The following PLCL2 variants were observed in gnomAD, a reference collection of about 807,000 sequenced individuals.
PLCL2 encodes the protein inactive phospholipase C-like protein 2.
In PLCL2, 4 loss-of-function variants were observed where a neutral mutation model predicts 79.6. The observed-to-expected ratio is 0.05, with a 90% CI of 0.02 to 0.11. The LOEUF is 0.11. PLCL2 is among the 10% of genes least tolerant of loss of function. PLCL2 has a pLI of 1.00. For synonymous variants in PLCL2, 484 were observed against 457.7 expected (o/e 1.06, Z -0.73); for missense variants, 895 against 1,291.0 (o/e 0.69, Z 4.70).
rs112524424 is a variant in PLCL2, at chr3:16,977,274, G to A, written c.328-32400G>A. Among the ~76,000 whole-genome samples, 8 of 152,216 alleles carry A rather than the reference G, an allele frequency of 5.3e-5. No individual in the cohort carries two copies. In the East Asian group the frequency reaches 5.8e-4, roughly 11 times the overall value. On this transcript the variant is annotated intron_variant, in intron 1 of 5. Transcript: ENST00000615277. Reference sequence around the variant, plus strand: ...CTAGTATATCCTAGAACATAGTCCTGTAAGTACTTACTCCCTGGCTGGCAT... The same window carrying A: ...CTAGTATATCCTAGAACATAGTCCTATAAGTACTTACTCCCTGGCTGGCAT...
intron 1 of PLCL2, among the ~76,000 whole-genome samples, chr3:16,902,546 G>T (rs1242778227): frequency 6.6e-6 from 1 of 152,144 alleles, no homozygotes; most frequent in African/African-American, 2.4e-5. Context: ...ATGCTTTGGG[G>T]CCAGGCACGG....
chr3:16,896,090 A>T (rs1295136022), intron 1 of PLCL2, among the ~76,000 whole-genome samples: 1 of 152,226 alleles, frequency 6.6e-6, no homozygotes, highest in African/African-American at 2.4e-5. Context: ...GAAGTCTATC[A>T]TACTGCAACA....
chr3:16,993,388 C>T (rs1490675163), intron 1 of PLCL2, among the ~76,000 whole-genome samples: 1 of 152,168 alleles, frequency 6.6e-6, no homozygotes, highest in African/African-American at 2.4e-5. Context: ...CTGTCAGAAC[C>T]TTCTGTTGGG....
chr3:17,026,294 G>A (rs1363020923), intron 3 of PLCL2, among the ~76,000 whole-genome samples: 1 of 152,148 alleles, frequency 6.6e-6, no homozygotes, highest in Non-Finnish European at 1.5e-5. Context: ...AACTCTACAA[G>A]CTTAATTACC....
chr3:16,997,061 A>T (rs533505678), intron 1 of PLCL2, among the ~76,000 whole-genome samples: 5 of 152,356 alleles, frequency 3.3e-5, no homozygotes, highest in African/African-American at 9.6e-5. Flanking sequence ...TTTTAAAAAC[A>T]CATATACCTT....
At chr3:16,951,070 G>C (rs7645696) in intron 1 of PLCL2, among the ~76,000 whole-genome samples, 1 of 152,078 alleles carries the variant, frequency 6.6e-6, no homozygotes, top group African/African-American at 2.4e-5. Context: ...AATGTCAACA[G>C]TGCTGTTTGA....
At chr3:16,969,376 C>A (rs1266682439) in intron 1 of PLCL2, among the ~76,000 whole-genome samples, 1 of 151,990 alleles carries the variant, frequency 6.6e-6, no homozygotes, top group Non-Finnish European at 1.5e-5. Flanking sequence ...TGGTCCTGGG[C>A]TTTTTCTAGT....
chr3:16,953,514 G>A (rs1207989823), intron 1 of PLCL2, among the ~76,000 whole-genome samples: 1 of 152,062 alleles, frequency 6.6e-6, no homozygotes, highest in Non-Finnish European at 1.5e-5. Context: ...TGAAGAGCTT[G>A]TTCTCTAAAA....
rs182098927 is a variant in PLCL2 at position 16,992,632 on chromosome 3, C to T, written c.328-17042C>T. On this transcript the variant is annotated intron_variant, in intron 1 of 5. Coordinates refer to ENST00000615277, the MANE Select transcript of PLCL2 (RefSeq NM_001144382.2). ...AGGGCTCCCCTTCCTGGTAGCCAAG[C>T]AAGAGCAGGATCCTGCATAGCGAAG... 3.1e-4 allele frequency among the ~76,000 whole-genome samples: 47 copies of T among 152,292 alleles called. No homozygotes were observed. In the South Asian group the frequency reaches 5.6e-3, roughly 18 times the overall value.
At chr3:17,004,849 C>G (rs529209323) in intron 1 of PLCL2, among the ~76,000 whole-genome samples, 88 of 152,234 alleles carry the variant, frequency 5.8e-4, no homozygotes, top group African/African-American at 2.0e-3. Context: ...AACTCTAATT[C>G]TAAATCCCCC....
chr3:16,996,493 A>T (rs985941304), intron 1 of PLCL2, among the ~76,000 whole-genome samples: 1 of 152,182 alleles, frequency 6.6e-6, no homozygotes, highest in Non-Finnish European at 1.5e-5. Flanking sequence ...GTAACTGTGT[A>T]ATTAATAAAT....
At chr3:16,958,910 C>T (rs1464232405) in intron 1 of PLCL2, among the ~76,000 whole-genome samples, 1 of 152,164 alleles carries the variant, frequency 6.6e-6, no homozygotes, top group Non-Finnish European at 1.5e-5. Context: ...GTAGACCTTT[C>T]CCCCTAACTC....
At chr3:17,073,191 C>A (rs560185848) in intron 5 of PLCL2, among the ~76,000 whole-genome samples, 59 of 152,288 alleles carry the variant, frequency 3.9e-4, no homozygotes, top group Non-Finnish European at 6.9e-4. Context: ...TACAGGCGTA[C>A]CTTGGAGACT....
chr3:16,993,392 T>C (rs1294570296), intron 1 of PLCL2, among the ~76,000 whole-genome samples: 1 of 152,210 alleles, frequency 6.6e-6, no homozygotes, highest in Non-Finnish European at 1.5e-5. Context: ...CAGAACCTTC[T>C]GTTGGGACAC....
chr3:17,024,012 T>C (rs1232905757), intron 3 of PLCL2, among the ~76,000 whole-genome samples: 1 of 152,230 alleles, frequency 6.6e-6, no homozygotes, highest in African/African-American at 2.4e-5. Flanking sequence ...GTTCATCCTC[T>C]GGTTTGCCTT....
At chr3:17,064,928 C>CA (rs1395020243) in intron 4 of PLCL2, among the ~76,000 whole-genome samples, 7,755 of 56,482 alleles carry the variant, frequency 0.14, 327 homozygotes, top group Middle Eastern at 0.15. Flanking sequence ...GACTCTGTCT[C>CA]AAAAAAAAAA....
chr3:17,012,713 A>G (rs1273386800), intron 2 of PLCL2, among the ~76,000 whole-genome samples: 1 of 152,242 alleles, frequency 6.6e-6, no homozygotes, highest in African/African-American at 2.4e-5. Flanking sequence ...GAAGTTTAAG[A>G]TAATAATTAC....
chr3:17,019,739 A>G (rs2064428104), intron 3 of PLCL2, among the ~76,000 whole-genome samples: 1 of 152,218 alleles, frequency 6.6e-6, no homozygotes, highest in African/African-American at 2.4e-5. Flanking sequence ...AATCCCACTC[A>G]AAGAAATGCA....
intron 1 of PLCL2, among the ~76,000 whole-genome samples, chr3:16,979,878 C>T (rs1481427968): frequency 4.6e-5 from 7 of 150,594 alleles, no homozygotes; most frequent in African/African-American, 7.3e-5. Context: ...GGGTGGTGGC[C>T]GGGCAGAGGG....
Sources: allele counts gnomAD v4.1 joint callset (sites outside exome capture counted in the v4.1 genomes callset), GRCh38; gene constraint gnomAD v4.1.1; transcripts MANE v1.5; gene names NCBI Gene and HGNC (gene_info 2026-07-23, HGNC 2026-07-21).